The following DMXL1 variants were observed in gnomAD, a reference collection of about 807,000 sequenced individuals.
The protein encoded by DMXL1 is Dmx like 1.
A neutral mutation model predicts 319.2 loss-of-function variants in DMXL1; 99 were observed. The observed-to-expected ratio is 0.31, with a 90% confidence interval of 0.26 to 0.37. DMXL1 has a LOEUF of 0.37. Among genes scored for constraint, DMXL1 ranks in the 10% least tolerant of loss-of-function variants. The probability of loss-of-function intolerance (pLI) is 1.00; values close to 1 mark genes in which losing one functional copy is unlikely to be tolerated. For synonymous variants in DMXL1, 1,385 were observed against 1,235.2 expected, an observed-to-expected ratio of 1.12 and a Z score of -2.54; for missense variants, 3,745 against 3,595.6, an observed-to-expected ratio of 1.04 and a Z score of -1.06.
chr5:119,129,237 T>C lies in DMXL1; in HGVS notation c.1129T>C (p.Ser377Pro). 6.2e-7 allele frequency: 1 copy of C among 1,612,494 alleles called. No individual in the cohort carries two copies. Among genetic ancestry groups the C allele is most frequent in the East Asian group, 2.2e-5 (1 of 44,802 alleles). The change falls in exon 10 of 44, where the codon TCT becomes CCT. Residue 377 changes from serine (S) to proline (P), a missense_variant. This residue lies in a region of DMXL1 where 2,096 missense variants were observed against 1,985.4 expected (regional missense o/e 1.06). Coordinates refer to ENST00000539542, the MANE Select transcript of DMXL1 (RefSeq NM_001290321.3). ...TDIPLLPSIT[S>P]LSLNENEEKT... Reference sequence around the variant, plus strand: ...CATTCCACTTCTTCCATCTATTACATCTCTGAGTCTAAATGAAAATGAAGA... The same window carrying C: ...CATTCCACTTCTTCCATCTATTACACCTCTGAGTCTAAATGAAAATGAAGA...
chr5:119,136,782 T>G (rs1766090485), intron 13 of DMXL1, among the ~76,000 whole-genome samples: 1 of 151,902 alleles, frequency 6.6e-6, no homozygotes, highest in African/African-American at 2.4e-5. Context: ...AAGATGAGAG[T>G]TGAGGCTTGG....
At chr5:119,193,390 G>A (rs372948287) in intron 29 of DMXL1, among the ~76,000 whole-genome samples, 2 of 152,134 alleles carry the variant, frequency 1.3e-5, no homozygotes, top group Non-Finnish European at 2.9e-5. Flanking sequence ...TATATGGCTT[G>A]TTCCTTCTTG....
rs754517910 is a variant in DMXL1, at chr5:119,116,278, G to C, written c.685G>C (p.Ala229Pro). ...GEIDFSFVYL[A>P]HPRAVNGFSW... ...AATTGACTTTTCTTTTGTGTATCTG[G>C]CCCATCCTCGAGCAGTAAATGGATT... The change falls in exon 7 of 44, where the codon GCC becomes CCC. Residue 229 changes from alanine to proline, a missense_variant. By Grantham distance (27) the Ala-to-Pro change is conservative. Transcript: ENST00000539542. 1.2e-6 allele frequency: 2 copies of C among 1,613,934 alleles called. No homozygotes were observed. Among genetic ancestry groups the C allele is most frequent in the Non-Finnish European group, 1.7e-6 (2 of 1,179,944 alleles).
At chr5:119,176,802 T>G (rs1775887561) in intron 26 of DMXL1, among the ~76,000 whole-genome samples, 1 of 152,144 alleles carries the variant, frequency 6.6e-6, no homozygotes, top group Admixed American at 6.5e-5. Flanking sequence ...TAGCTTTGCA[T>G]CTTTTACTTG....
chr5:119,134,799 T>G (rs980483256), intron 13 of DMXL1, among the ~76,000 whole-genome samples: 4 of 152,218 alleles, frequency 2.6e-5, no homozygotes, highest in African/African-American at 9.6e-5. Context: ...CAAGAGTTCT[T>G]TCAGTATTGT....
chr5:119,072,442 A>AT (rs1245781838), intron 1 of DMXL1, among the ~76,000 whole-genome samples: 1 of 152,114 alleles, frequency 6.6e-6, no homozygotes, highest in Non-Finnish European at 1.5e-5. Context: ...AATGCTAATG[A>AT]TTTTTGCTAC....
intron 19 of DMXL1, among the ~76,000 whole-genome samples, chr5:119,156,632 TGTG>T (rs1056592381): frequency 3.0e-4 from 45 of 152,256 alleles, no homozygotes; most frequent in African/African-American, 1.0e-3. Flanking sequence ...TGGTGGATCA[TGTG>T]GTAATTTTGT....
rs1413589340 is a variant in DMXL1, at chr5:119,116,331, G to A, written c.738G>A (p.Met246Ile). 1 of 1,613,220 alleles carries A rather than the reference G, an allele frequency of 6.2e-7. No individual in the cohort carries two copies. The highest frequency in any genetic ancestry group is 1.3e-5 in the African/African-American group (1 of 74,988). ...GFSWRKTSKY[M>I]PRASVCNVLL... ...CCTGGCGTAAAACAAGCAAATATATGCCTAGGTCAGTGGATTGGTCATTTC... is the reference window on the plus strand; with the variant it reads ...CCTGGCGTAAAACAAGCAAATATATACCTAGGTCAGTGGATTGGTCATTTC... The change falls in exon 7 of 44, where the codon ATG (methionine) becomes ATA (isoleucine). Residue 246 changes from methionine to isoleucine, a missense_variant. Around this residue, in one of 4 missense-constraint regions of DMXL1, gnomAD observed 2,096 missense variants for 1,985.4 expected, o/e 1.06. Transcript: ENST00000539542.
intron 5 of DMXL1, among the ~76,000 whole-genome samples, chr5:119,111,690 A>G (rs1215313680): frequency 6.6e-6 from 1 of 152,238 alleles, no homozygotes; most frequent in Non-Finnish European, 1.5e-5. Context: ...AAACATGAGG[A>G]GAAATATGTG....
chr5:119,238,719 G>A (rs1788207151), intron 40 of DMXL1: 1 of 164,108 alleles, frequency 6.1e-6, no homozygotes, highest in Non-Finnish European at 1.3e-5. Flanking sequence ...TTCAGGAAAA[G>A]TGTGTGTATG....
chr5:119,224,827 A>C lies in DMXL1; in HGVS notation c.8338+58A>C, dbSNP rs1785244202. On this transcript the variant is annotated intron_variant, in intron 38 of 43. Coordinates refer to ENST00000539542, the MANE Select transcript of DMXL1 (RefSeq NM_001290321.3). ...CTTATTCTTAAATCTATTTTTGGTA[A>C]TTTTATTATAAGAAATGTGTGGGAA... The C allele has an allele frequency of 6.4e-6, 5 of 787,186 alleles. No homozygotes were observed. In the East Asian group the frequency reaches 1.5e-4, roughly 24 times the overall value. 48.8% of individuals were successfully genotyped at this position (787,186 alleles called of 1,614,324 possible).
chr5:119,187,289 G>T (rs1015651324), intron 28 of DMXL1, among the ~76,000 whole-genome samples: 1 of 152,002 alleles, frequency 6.6e-6, no homozygotes, highest in African/African-American at 2.4e-5. Flanking sequence ...ATAAAGTAGC[G>T]GTTTTCCCAT....
In DMXL1 at chr5:119,171,908, A is replaced by G; in HGVS notation, c.6620A>G (p.Asp2207Gly). 6.2e-7 allele frequency: 1 copy of G among 1,613,856 alleles called. No homozygotes were observed. Among genetic ancestry groups the G allele is most frequent in the African/African-American group, 1.3e-5 (1 of 75,024 alleles). ...PLLHLSNLTH[D>G]ILHAIINFDS... ...TTGCACCTTAGTAATCTGACACATG[A>G]TATTCTCCATGCCATAATAAACTTT... The change falls in exon 25 of 44, where the codon GAT becomes GGT. Residue 2207 changes from aspartate to glycine, a missense_variant. This residue lies in a region of DMXL1 where 1,382 missense variants were observed against 1,269.5 expected (regional missense o/e 1.09). Coordinates refer to ENST00000539542, the MANE Select transcript of DMXL1 (RefSeq NM_001290321.3).
At chr5:119,232,561 C>G (rs763833131) in intron 38 of DMXL1, among the ~76,000 whole-genome samples, 2 of 152,082 alleles carry the variant, frequency 1.3e-5, no homozygotes, top group African/African-American at 2.4e-5. Flanking sequence ...ACTTATATAT[C>G]ATTAGTCCCT....
intron 4 of DMXL1, among the ~76,000 whole-genome samples, chr5:119,105,953 T>A (rs1021585197): frequency 6.6e-6 from 1 of 151,990 alleles, no homozygotes; most frequent in African/African-American, 2.4e-5. Context: ...TATCTATTTC[T>A]GCATTAGAAA....
chr5:119,091,303 T>A (rs1754755936), intron 1 of DMXL1, among the ~76,000 whole-genome samples: 1 of 152,098 alleles, frequency 6.6e-6, no homozygotes, highest in Non-Finnish European at 1.5e-5. Flanking sequence ...ATTTACCAGC[T>A]CAAGTTGTCC....
At chr5:119,088,054 C>T (rs181350260) in intron 1 of DMXL1, among the ~76,000 whole-genome samples, 52 of 152,116 alleles carry the variant, frequency 3.4e-4, no homozygotes, top group South Asian at 1.5e-3. Flanking sequence ...TGCCAGCCTC[C>T]GCCTCCCAAA....
intron 28 of DMXL1, among the ~76,000 whole-genome samples, chr5:119,186,522 A>G (rs923425395): frequency 6.6e-6 from 1 of 152,232 alleles, no homozygotes; most frequent in African/African-American, 2.4e-5. Context: ...TTAAATCTAC[A>G]TTCAGAATAT....
rs756252329 is a variant in DMXL1 at position 119,233,331 on chromosome 5, G to C, written c.8339-9G>C. On this transcript the variant is annotated splice_polypyrimidine_tract_variant and intron_variant, in intron 38 of 43. Coordinates refer to ENST00000539542, the MANE Select transcript of DMXL1 (RefSeq NM_001290321.3). The stretch of plus-strand genomic sequence containing the variant: ...ATAAATCTGCAATTTTTGCCCTCTT[G>C]TAATGCAGATCTGACAGGAGCTCAA... 1 of 1,608,130 alleles carries C rather than the reference G, an allele frequency of 6.2e-7. No homozygotes were observed. Among genetic ancestry groups the C allele is most frequent in the African/African-American group, 1.3e-5 (1 of 74,638 alleles).
Sources: allele counts gnomAD v4.1 joint callset (sites outside exome capture counted in the v4.1 genomes callset), GRCh38; gene constraint gnomAD v4.1.1; regional missense constraint gnomAD v4.1.1; transcripts MANE v1.5; gene names NCBI Gene and HGNC (gene_info 2026-07-23, HGNC 2026-07-21).